EEFSEC: variants seen among roughly 807,000 people sequenced by gnomAD.
EEFSEC encodes the protein selenocysteine-specific elongation factor.
In EEFSEC, 43 loss-of-function variants were observed where a neutral mutation model predicts 42.1. The observed-to-expected ratio is 1.02, with a 90% CI of 0.80 to 1.32. The LOEUF is 1.32. Ranked by LOEUF, EEFSEC falls within the 40% of genes most tolerant of loss-of-function variation. The pLI is 0.00. For missense variants in EEFSEC, 745 were observed against 803.6 expected, an observed-to-expected ratio of 0.93 and a Z score of 0.88; for synonymous variants, 354 against 339.1, an observed-to-expected ratio of 1.04 and a Z score of -0.48.
intron 6 of EEFSEC, among the ~76,000 whole-genome samples, chr3:128,376,099 G>C (rs938467393): frequency 4.6e-5 from 7 of 152,174 alleles, no homozygotes; most frequent in African/African-American, 1.7e-4. Context: ...CAGTGGAGTA[G>C]GGTGCCTCTT....
At chr3:128,284,887 G>T (rs1443121431) in intron 4 of EEFSEC, among the ~76,000 whole-genome samples, 1 of 151,682 alleles carries the variant, frequency 6.6e-6, no homozygotes, top group African/African-American at 2.4e-5. Context: ...TTAACCTTAA[G>T]CGTTTAACCA....
intron 4 of EEFSEC, among the ~76,000 whole-genome samples, chr3:128,331,318 T>C: frequency 3.7e-5 from 1 of 27,200 alleles, no homozygotes; most frequent in Non-Finnish European, 6.7e-5. Context: ...CCCCCCTTCC[T>C]CAATGCATCT....
downstream of EEFSEC, among the ~76,000 whole-genome samples, chr3:128,408,800 G>A (rs2939820): frequency 0.25 from 38,355 of 152,208 alleles, 5,526 homozygotes; most frequent in East Asian, 0.47. Context: ...TCTGCAGAGT[G>A]TCTGCGCTTC....
chr3:128,317,301 G>A lies in EEFSEC; in HGVS notation c.787-23932G>A, dbSNP rs911243815. ...TTTTCTTCCTTCATACACACGGTGT[G>A]CTCACATGCAGTGCGTCCCCAGACT... is the stretch of plus-strand genomic sequence containing the variant. On this transcript the variant is annotated intron_variant, in intron 4 of 6. Coordinates refer to ENST00000254730, the MANE Select transcript of EEFSEC (RefSeq NM_021937.5). The surrounding 1 kb of genome is among the most constrained non-coding windows in gnomAD (Gnocchi z 4.1). 3.3e-5 allele frequency among the ~76,000 whole-genome samples: 5 copies of A among 152,206 alleles called. No homozygotes were observed. Among genetic ancestry groups the A allele is most frequent in the African/African-American group, 1.2e-4 (5 of 41,452 alleles).
intron 6 of EEFSEC, among the ~76,000 whole-genome samples, chr3:128,388,060 G>T (rs571519937): frequency 1.3e-5 from 2 of 152,204 alleles, no homozygotes; most frequent in African/African-American, 4.8e-5. Context: ...GGGTTGCCCT[G>T]TCCAGAGCCT....
intron 6 of EEFSEC, among the ~76,000 whole-genome samples, chr3:128,385,543 C>T (rs908605823): frequency 2.6e-5 from 4 of 152,236 alleles, no homozygotes; most frequent in African/African-American, 7.2e-5. Flanking sequence ...AGGGTGTCCT[C>T]CCACACACAG....
chr3:128,396,830 G>A (rs1352964707), intron 6 of EEFSEC, among the ~76,000 whole-genome samples: 1 of 152,216 alleles, frequency 6.6e-6, no homozygotes, highest in African/African-American at 2.4e-5. Context: ...TTGCTACTGG[G>A]GTTCTTTCTG....
intron 4 of EEFSEC, among the ~76,000 whole-genome samples, chr3:128,339,005 G>A (rs985502196): frequency 4.6e-5 from 7 of 152,180 alleles, no homozygotes; most frequent in Admixed American, 3.3e-4. Context: ...TGCTGCAGGC[G>A]CCTGGGAGGG....
At chr3:128,280,315 C>T (rs973757567) in intron 4 of EEFSEC, among the ~76,000 whole-genome samples, 7 of 152,190 alleles carry the variant, frequency 4.6e-5, no homozygotes, top group Non-Finnish European at 1.0e-4. Flanking sequence ...TCTTTTACAA[C>T]GAGCTGGTAT....
At chr3:128,422,130 C>G in the EEFSEC span, among the ~76,000 whole-genome samples, 1 of 152,154 alleles carries the variant, frequency 6.6e-6, no homozygotes, top group Admixed American at 6.5e-5. Context: ...ATCTGCCTGT[C>G]CCTATGGCCC....
chr3:128,171,791 C>G (rs1433178247), intron 1 of EEFSEC, among the ~76,000 whole-genome samples: 1 of 150,524 alleles, frequency 6.6e-6, no homozygotes, highest in East Asian at 2.0e-4. Context: ...ATAGCTGGCC[C>G]TCCAAATCTG....
At chr3:128,323,131 A>C (rs1286450987) in intron 4 of EEFSEC, among the ~76,000 whole-genome samples, 2 of 152,218 alleles carry the variant, frequency 1.3e-5, no homozygotes, top group African/African-American at 4.8e-5. Flanking sequence ...GAGCTGTCAC[A>C]TAAGTGGTGT....
chr3:128,306,495 C>T (rs1245153253), intron 4 of EEFSEC, among the ~76,000 whole-genome samples: 2 of 152,196 alleles, frequency 1.3e-5, no homozygotes, highest in Non-Finnish European at 2.9e-5. Flanking sequence ...ATTTGGCAAT[C>T]CAGTTTTCTA....
Position 128,158,315 on chromosome 3 carries a change from A to G in EEFSEC, c.316+4492A>G, listed in dbSNP as rs112635139. ...GACAACAAAGGATTTAGAATATTACATAAACTTAGTTGATAAAGCAGTGGC... is the reference window on the plus strand; with the variant it reads ...GACAACAAAGGATTTAGAATATTACGTAAACTTAGTTGATAAAGCAGTGGC... On this transcript the variant is annotated intron_variant, in intron 1 of 6. Coordinates refer to ENST00000254730, the MANE Select transcript of EEFSEC (RefSeq NM_021937.5). Among the ~76,000 whole-genome samples the G allele has an allele frequency of 2.0e-3, 298 of 152,376 alleles. 1 individual carries two copies. The highest frequency in any genetic ancestry group is 6.8e-3 in the African/African-American group (284 of 41,596).
chr3:128,305,201 C>G (rs946532259), intron 4 of EEFSEC, among the ~76,000 whole-genome samples: 1 of 151,918 alleles, frequency 6.6e-6, no homozygotes, highest in Non-Finnish European at 1.5e-5. Flanking sequence ...TGTCTTTTGA[C>G]CTTTTACTAT....
At chr3:128,346,729 C>T (rs1193634924) in intron 5 of EEFSEC, among the ~76,000 whole-genome samples, 1 of 152,184 alleles carries the variant, frequency 6.6e-6, no homozygotes, top group African/African-American at 2.4e-5. Context: ...CTCATCAGGT[C>T]TCAGACTCAG....
chr3:128,404,773 GCTTC>G (rs1470405352), intron 6 of EEFSEC, among the ~76,000 whole-genome samples: 10 of 152,206 alleles, frequency 6.6e-5, no homozygotes, highest in Admixed American at 2.0e-4. Context: ...CACAGGGAGC[GCTTC>G]CTTAATGCAG....
At chr3:128,414,010 G>C in the EEFSEC span, among the ~76,000 whole-genome samples, 3 of 152,228 alleles carry the variant, frequency 2.0e-5, no homozygotes, top group Admixed American at 2.0e-4. Flanking sequence ...CCAGTCAGCC[G>C]CTTGGTCCTC....
At chr3:128,243,636 G>A (rs1373367002) in intron 1 of EEFSEC, among the ~76,000 whole-genome samples, 2 of 152,216 alleles carry the variant, frequency 1.3e-5, no homozygotes, top group African/African-American at 4.8e-5. Context: ...AGCCGGGTGG[G>A]GCATCAAGGA....
Sources: gnomAD v4.1 joint callset for allele counts (sites outside exome capture counted in the v4.1 genomes callset) on GRCh38, gnomAD v4.1.1 for gene constraint, Gnocchi (gnomAD v3.1) non-coding constraint, MANE v1.5 for transcripts, NCBI Gene and HGNC (gene_info 2026-07-23, HGNC 2026-07-21) for gene names.